TRIM16: variants seen among roughly 807,000 people sequenced by gnomAD.
The protein encoded by TRIM16 is tripartite motif-containing protein 16.
Under a neutral mutation model 50.4 loss-of-function variants are expected in TRIM16, and 33 were observed. The observed-to-expected ratio is 0.65, with a 90% confidence interval of 0.50 to 0.88. The LOEUF is 0.88. Ranked by LOEUF, TRIM16 falls within the 40% of genes least tolerant of loss-of-function variation. The pLI is 0.00. For synonymous variants in TRIM16, 229 were observed against 270.7 expected, an observed-to-expected ratio of 0.85 and a Z score of 1.51; for missense variants, 581 against 686.8, an observed-to-expected ratio of 0.85 and a Z score of 1.72.
intron 4 of TRIM16, among the ~76,000 whole-genome samples, chr17:15,678,419 G>A (rs1989038949): frequency 6.6e-6 from 1 of 152,158 alleles, no homozygotes; most frequent in Non-Finnish European, 1.5e-5. Context: ...CCAACCTCCT[G>A]TAGTTAGACC....
Position 15,647,126 on chromosome 17 carries a change from C to T in TRIM16, c.519+3965G>A, listed in dbSNP as rs543604805. 2.0e-4 allele frequency among the ~76,000 whole-genome samples: 31 copies of T among 151,992 alleles called. No homozygotes were observed. The South Asian group carries it at 6.0e-3, about 30-fold the overall frequency. ...GGATTATAGGCGCCTGCTACTGTGC[C>T]AGGCTAATTTTTGTATTTTTTTTTT... On this transcript the variant is annotated intron_variant, in intron 7 of 11. Transcript: ENST00000649191.
chr17:15,652,828 A>T (rs1987792523), intron 6 of TRIM16, among the ~76,000 whole-genome samples: 1 of 151,980 alleles, frequency 6.6e-6, no homozygotes, highest in African/African-American at 2.4e-5. Flanking sequence ...TGTCCGTCAC[A>T]CTCGTGGAGA....
At chr17:15,664,860 C>T (rs1988408271) in intron 6 of TRIM16, among the ~76,000 whole-genome samples, 1 of 151,888 alleles carries the variant, frequency 6.6e-6, no homozygotes, top group Non-Finnish European at 1.5e-5. Context: ...GGTGAAACCC[C>T]GACTCTACTA....
rs1476062711 is a variant in TRIM16 at position 15,628,363 on chromosome 17, C to G, written c.*252G>C. ...GGCGGAGCTTGCAGTGAGCCAAGAT[C>G]GCGCCACTGCTCTCCAGCCTGGGCA... On this transcript the variant is annotated 3_prime_UTR_variant, in exon 12 of 12. Coordinates refer to ENST00000649191, the MANE Select transcript of TRIM16 (RefSeq NM_001348119.1). 5.3e-6 allele frequency: 2 copies of G among 377,650 alleles called. No individual in the cohort carries two copies. The highest frequency in any genetic ancestry group is 2.1e-5 in the African/African-American group (1 of 47,966). The allele number at this position is 377,650 out of a possible 1,614,324, so 23.4% of individuals were successfully genotyped here. A position where few individuals can be genotyped will look rare whatever the true frequency, so the allele number is the denominator to read the frequency against.
intron 6 of TRIM16, among the ~76,000 whole-genome samples, chr17:15,667,766 A>G (rs1167617291): frequency 6.6e-6 from 1 of 152,136 alleles, no homozygotes; most frequent in Non-Finnish European, 1.5e-5. Flanking sequence ...CAATCTTTCT[A>G]CCACAGGGGT....
chr17:15,640,929 G>A lies in TRIM16; in HGVS notation c.615+1792C>T, dbSNP rs895282316. On this transcript the variant is annotated intron_variant, in intron 8 of 11. Transcript: ENST00000649191. ...ACACAGCATGGGAACCAGCATGAGG[G>A]TGTTGTGGGAAAGGAGCAGAATCCT... 9.4e-5 allele frequency among the ~76,000 whole-genome samples: 14 copies of A among 148,632 alleles called. 3 individuals are homozygous for A. The highest frequency in any genetic ancestry group is 1.5e-4 in the Non-Finnish European group (10 of 67,100).
chr17:15,655,524 C>T (rs1347503757), intron 6 of TRIM16, among the ~76,000 whole-genome samples: 2 of 151,996 alleles, frequency 1.3e-5, no homozygotes, highest in Non-Finnish European at 2.9e-5. Context: ...GTGTGGAAAA[C>T]AGGAAATGGG....
At chr17:15,659,992 G>GCA (rs1319724585) in intron 6 of TRIM16, among the ~76,000 whole-genome samples, 3 of 152,208 alleles carry the variant, frequency 2.0e-5, no homozygotes, top group Non-Finnish European at 4.4e-5. Context: ...CTGGGCAGGA[G>GCA]CACACAGGTA....
chr17:15,679,090 G>A (rs1051634363), intron 4 of TRIM16, among the ~76,000 whole-genome samples: 2 of 152,104 alleles, frequency 1.3e-5, no homozygotes, highest in African/African-American at 2.4e-5. Flanking sequence ...TGTTGTCCAG[G>A]CTGGTCACAG....
At chr17:15,638,416 C>G (rs796367241) in intron 8 of TRIM16, among the ~76,000 whole-genome samples, 1 of 148,436 alleles carries the variant, frequency 6.7e-6, no homozygotes, top group South Asian at 2.2e-4. Context: ...ACTAAAAATA[C>G]AAAAATTAGC....
chr17:15,663,572 T>A (rs1294100667), intron 6 of TRIM16, among the ~76,000 whole-genome samples: 1 of 152,206 alleles, frequency 6.6e-6, no homozygotes, highest in African/African-American at 2.4e-5. Context: ...AGTGACACTG[T>A]TGAGCTGTTA....
intron 7 of TRIM16, among the ~76,000 whole-genome samples, chr17:15,650,446 G>C (rs1309207833): frequency 6.6e-6 from 1 of 152,174 alleles, no homozygotes. Flanking sequence ...GACAGGCTAT[G>C]AGCATGATGT....
chr17:15,655,167 C>CT (rs1490858948), intron 6 of TRIM16, among the ~76,000 whole-genome samples: 2 of 152,134 alleles, frequency 1.3e-5, no homozygotes, highest in Non-Finnish European at 2.9e-5. Flanking sequence ...GGTGGCTTTC[C>CT]TTTTAATCCC....
intron 4 of TRIM16, among the ~76,000 whole-genome samples, chr17:15,678,713 T>C (rs1989051346): frequency 6.6e-6 from 1 of 152,222 alleles, no homozygotes; most frequent in African/African-American, 2.4e-5. Flanking sequence ...GGTCTATTGG[T>C]TACAACAGTT....
chr17:15,661,813 C>T (rs920799109), intron 6 of TRIM16, among the ~76,000 whole-genome samples: 4 of 151,966 alleles, frequency 2.6e-5, no homozygotes, highest in African/African-American at 4.8e-5. Flanking sequence ...CCTATTTAGA[C>T]CCACTTTCCC....
chr17:15,647,095 T>C (rs1987424897), intron 7 of TRIM16, among the ~76,000 whole-genome samples: 1 of 151,172 alleles, frequency 6.6e-6, no homozygotes. Context: ...GCCTCCTGAG[T>C]AGTTGGGATT....
At chr17:15,657,143 G>C (rs905697219) in intron 6 of TRIM16, among the ~76,000 whole-genome samples, 1 of 152,104 alleles carries the variant, frequency 6.6e-6, no homozygotes, top group Non-Finnish European at 1.5e-5. Flanking sequence ...ATAAAATACA[G>C]ATAAATACAC....
At chr17:15,673,090 C>G (rs899025630) in intron 6 of TRIM16, among the ~76,000 whole-genome samples, 42 of 152,180 alleles carry the variant, frequency 2.8e-4, no homozygotes, top group African/African-American at 9.9e-4. Flanking sequence ...GAAGGAACAA[C>G]AATGGTTTCT....
At chr17:15,683,231 C>T (rs1305895890) in intron 1 of TRIM16, 74 bp from the exon 2 acceptor site, 1 of 1,150,052 alleles carries the variant, frequency 8.7e-7, no homozygotes, top group Admixed American at 2.4e-5. Context: ...TGAGACTCTA[C>T]TCAGAACGCA....
Sources: allele counts gnomAD v4.1 joint callset (sites outside exome capture counted in the v4.1 genomes callset), GRCh38; gene constraint gnomAD v4.1.1; transcripts MANE v1.5; gene names NCBI Gene and HGNC (gene_info 2026-07-23, HGNC 2026-07-21).